Variants in FREM2 observed in about 807,000 individuals in gnomAD.
The protein encoded by FREM2 is FRAS1 related extracellular matrix 2.
A neutral mutation model predicts 219.9 loss-of-function variants in FREM2; 119 were observed. The observed-to-expected ratio is 0.54, with a 90% confidence interval of 0.47 to 0.63. The LOEUF is 0.63. Ranked by LOEUF, FREM2 falls within the 30% of genes least tolerant of loss-of-function variation. The pLI, the probability that FREM2 is intolerant of heterozygous loss-of-function variation, is 0.00. For synonymous variants in FREM2, 1,562 were observed against 1,522.8 expected (o/e 1.03, Z -0.60); for missense variants, 4,030 against 3,993.6 (o/e 1.01, Z -0.25).
chr13:38,861,141 A>G (rs568327476), intron 14 of FREM2, among the ~76,000 whole-genome samples: 1 of 152,338 alleles, frequency 6.6e-6, no homozygotes, highest in African/African-American at 2.4e-5. Flanking sequence ...GAATATGACC[A>G]TGACCTAGAA....
intron 2 of FREM2, among the ~76,000 whole-genome samples, chr13:38,737,822 A>G (rs1403098039): frequency 6.6e-6 from 1 of 152,198 alleles, no homozygotes; most frequent in East Asian, 1.9e-4. Flanking sequence ...CTAAGGTTTT[A>G]GACTTTATCC....
chr13:38,697,364 T>C (rs956430817), intron 1 of FREM2, among the ~76,000 whole-genome samples: 6 of 152,160 alleles, frequency 3.9e-5, no homozygotes, highest in Non-Finnish European at 5.9e-5. Context: ...CAAAATATCT[T>C]CCTTTCCACC....
intron 2 of FREM2, among the ~76,000 whole-genome samples, chr13:38,749,751 A>C (rs1450242011): frequency 6.6e-6 from 1 of 152,106 alleles, no homozygotes; most frequent in Non-Finnish European, 1.5e-5. Flanking sequence ...CAAAGGGCAA[A>C]ATTATTGCCC....
At position 38,883,922 on chromosome 13, in the gene FREM2, C is replaced by T. The variant is rs1232472535; in HGVS notation, c.*3135C>T. On this transcript the variant is annotated 3_prime_UTR_variant, in exon 24 of 24. Coordinates refer to ENST00000280481, the MANE Select transcript of FREM2 (RefSeq NM_207361.6). ...CCAGTAACTTAGTAAAATTGACCTT[C>T]GCAAAACCTCACTGGGGGAGTGCCT... 1 of 152,194 alleles carries T rather than the reference C, an allele frequency of 6.6e-6. No individual in the cohort carries two copies. Among genetic ancestry groups the T allele is most frequent in the Admixed American group, 6.6e-5 (1 of 15,266 alleles). The allele number at this position is 152,194 out of a possible 1,614,324, so 9.4% of individuals were successfully genotyped here.
chr13:38,744,955 C>G (rs1872407244), intron 2 of FREM2, among the ~76,000 whole-genome samples: 1 of 152,206 alleles, frequency 6.6e-6, no homozygotes, highest in South Asian at 2.1e-4. Flanking sequence ...TATAAACTAA[C>G]ATGACATAGA....
chr13:38,806,827 C>G (rs2137857732), intron 6 of FREM2, among the ~76,000 whole-genome samples: 1 of 151,948 alleles, frequency 6.6e-6, no homozygotes, highest in East Asian at 2.0e-4. Flanking sequence ...GGAGTAAATT[C>G]TTTCAAACTC....
chr13:38,827,934 AG>A (rs550017827), intron 6 of FREM2, among the ~76,000 whole-genome samples: 1 of 152,170 alleles, frequency 6.6e-6, no homozygotes, highest in Non-Finnish European at 1.5e-5. Flanking sequence ...AAAGGAGACA[AG>A]TTATACATGT....
chr13:38,825,566 G>A (rs1294492022), intron 6 of FREM2, among the ~76,000 whole-genome samples: 1 of 152,078 alleles, frequency 6.6e-6, no homozygotes, highest in Non-Finnish European at 1.5e-5. Flanking sequence ...CCTAAAGCCT[G>A]CAGTGAGGCA....
intron 9 of FREM2, 65 bp downstream of exon 9, chr13:38,850,300 T>C (rs1593444904): frequency 7.7e-7 from 1 of 1,304,424 alleles, no homozygotes; most frequent in East Asian, 2.3e-5. Context: ...CAGAAATATA[T>C]ATCAGGGAAA....
chr13:38,747,507 C>G (rs1454324856), intron 2 of FREM2, among the ~76,000 whole-genome samples: 1 of 151,652 alleles, frequency 6.6e-6, no homozygotes, highest in Non-Finnish European at 1.5e-5. Context: ...TACACACACA[C>G]ACACACACAC....
At chr13:38,854,105 G>C (rs1017355012) in intron 11 of FREM2, among the ~76,000 whole-genome samples, 1 of 150,198 alleles carries the variant, frequency 6.7e-6, no homozygotes, top group East Asian at 1.9e-4. Context: ...TCAAACTGAA[G>C]TGAGTTCTTT....
chr13:38,787,698 ATTAT>A (rs1874384416), intron 6 of FREM2, among the ~76,000 whole-genome samples: 1 of 148,900 alleles, frequency 6.7e-6, no homozygotes, highest in African/African-American at 2.4e-5. Context: ...TAACTTATTT[ATTAT>A]TTATTAATGT....
At chr13:38,870,913 T>A (rs1216408692) in intron 16 of FREM2, among the ~76,000 whole-genome samples, 1 of 152,216 alleles carries the variant, frequency 6.6e-6, no homozygotes, top group African/African-American at 2.4e-5. Flanking sequence ...TAATTGGAAA[T>A]CTATTCCTAA....
chr13:38,781,243 C>G (rs1214020859), intron 4 of FREM2, among the ~76,000 whole-genome samples: 1 of 152,118 alleles, frequency 6.6e-6, no homozygotes, highest in African/African-American at 2.4e-5. Flanking sequence ...TTTCACTTGT[C>G]CATCCATTTA....
intron 2 of FREM2, among the ~76,000 whole-genome samples, chr13:38,737,511 T>G (rs114196730): frequency 0.01 from 1,584 of 152,342 alleles, 23 homozygotes; most frequent in African/African-American, 0.036. Flanking sequence ...ACATACCAGT[T>G]CTAAAGTATT....
At chr13:38,770,452 G>A (rs887781218) in intron 4 of FREM2, among the ~76,000 whole-genome samples, 1 of 152,014 alleles carries the variant, frequency 6.6e-6, no homozygotes, top group Non-Finnish European at 1.5e-5. Flanking sequence ...TATTGCTCAT[G>A]TCATTTTTAA....
In FREM2 at chr13:38,807,735, T is replaced by A. The variant is rs537140442; in HGVS notation, c.6019+22927T>A. 9.9e-5 allele frequency among the ~76,000 whole-genome samples: 15 copies of A among 152,062 alleles called. 1 individual carries two copies. The East Asian group carries it at 3.0e-3, about 30-fold the overall frequency. On this transcript the variant is annotated intron_variant, in intron 6 of 23. Coordinates refer to ENST00000280481, the MANE Select transcript of FREM2 (RefSeq NM_207361.6). ...GCTTAAAATATTCATTAAACTATGT[T>A]GTAAACGGATGTACTGTCATCTAGG...
chr13:38,751,097 A>G (rs1258144089), intron 2 of FREM2, among the ~76,000 whole-genome samples: 1 of 152,070 alleles, frequency 6.6e-6, no homozygotes, highest in African/African-American at 2.4e-5. Context: ...ATAACGCTAC[A>G]GTGAACATGG....
In FREM2 at chr13:38,809,866, G is replaced by A. The variant is rs187658472; in HGVS notation, c.6019+25058G>A. 3.6e-4 allele frequency among the ~76,000 whole-genome samples: 55 copies of A among 152,184 alleles called. No homozygotes were observed. In the East Asian group the frequency reaches 6.9e-3, roughly 19 times the overall value. ...GGATTGTTTTTTCTACTTCTGTGAA[G>A]AATGTTATTGGTATTTTTATAGGGA... is the stretch of plus-strand genomic sequence containing the variant. On this transcript the variant is annotated intron_variant, in intron 6 of 23. Coordinates refer to ENST00000280481, the MANE Select transcript of FREM2 (RefSeq NM_207361.6).
Sources: allele counts gnomAD v4.1 joint callset (sites outside exome capture counted in the v4.1 genomes callset), GRCh38; gene constraint gnomAD v4.1.1; transcripts MANE v1.5; gene names NCBI Gene and HGNC (gene_info 2026-07-23, HGNC 2026-07-21).